ZCWPW2: variants seen among roughly 807,000 people sequenced by gnomAD.
ZCWPW2 encodes the protein zinc finger CW-type and PWWP domain containing 2.
ZCWPW2 carries 45 observed loss-of-function variants against 46.6 expected under a neutral mutation model. The ratio of observed to expected loss-of-function variants is 0.96; its 90% CI spans 0.76 to 1.24. The LOEUF (loss-of-function observed/expected upper bound fraction) is 1.24, where lower values mean the gene tolerates loss of function less well. ZCWPW2 is among the 50% of genes most tolerant of loss of function. The probability of loss-of-function intolerance (pLI) is 0.00; values close to 1 mark genes in which losing one functional copy is unlikely to be tolerated. For missense variants in ZCWPW2, 429 were observed against 403.9 expected (o/e 1.06, Z -0.53); for synonymous variants, 152 against 137.1 (o/e 1.11, Z -0.76).
chr3:28,520,628 C>T (rs1700697433), intron 8 of ZCWPW2, among the ~76,000 whole-genome samples: 1 of 152,024 alleles, frequency 6.6e-6, no homozygotes, highest in Non-Finnish European at 1.5e-5. Flanking sequence ...GAAATATTGG[C>T]TCTCTGGCCC....
At chr3:28,467,588 TG>T (rs1388148184) in intron 4 of ZCWPW2, among the ~76,000 whole-genome samples, 8 of 152,310 alleles carry the variant, frequency 5.3e-5, no homozygotes, top group African/African-American at 1.9e-4. Flanking sequence ...TTCCCAGTGG[TG>T]GTGGCCACAA....
chr3:28,404,699 A>C (rs571520661), intron 2 of ZCWPW2, among the ~76,000 whole-genome samples: 1 of 152,372 alleles, frequency 6.6e-6, no homozygotes, highest in South Asian at 2.1e-4. Context: ...CTACTTAGCC[A>C]TTAAAAAGAA....
intron 4 of ZCWPW2, among the ~76,000 whole-genome samples, chr3:28,436,566 T>C (rs1342870577): frequency 6.6e-6 from 1 of 152,136 alleles, no homozygotes; most frequent in East Asian, 1.9e-4. Flanking sequence ...GGGTACTTTT[T>C]AATGGGTTTT....
At chr3:28,358,941 T>C (rs1479709958) in intron 1 of ZCWPW2, among the ~76,000 whole-genome samples, 1 of 152,104 alleles carries the variant, frequency 6.6e-6, no homozygotes, top group Non-Finnish European at 1.5e-5. Flanking sequence ...TGAGATAATG[T>C]GTACAAATAG....
At chr3:28,423,442 C>T (rs1319811665) in intron 3 of ZCWPW2, among the ~76,000 whole-genome samples, 3 of 148,832 alleles carry the variant, frequency 2.0e-5, no homozygotes, top group Non-Finnish European at 4.4e-5. Context: ...TCTAGGCTCA[C>T]TGCAAGCTCT....
At position 28,447,893 on chromosome 3, in the gene ZCWPW2, G is replaced by A. The variant is rs1377040106; in HGVS notation, c.492+12624G>A. 24 of 872,850 alleles carry A rather than the reference G, an allele frequency of 2.7e-5. 2 individuals carry two copies. Among genetic ancestry groups the A allele is most frequent in the Admixed American group, 1.0e-4 (6 of 57,198 alleles). The allele number at this position is 872,850 out of a possible 1,614,324, so 54.1% of individuals were successfully genotyped here. A position where few individuals can be genotyped will look rare whatever the true frequency, so the allele number is the denominator to read the frequency against. ...TGCCCAGGCAGACTTAGAGGGGTTC[G>A]TGCTGTGAGGCCTAAAGTTCTTATG... On this transcript the variant is annotated intron_variant, in intron 4 of 9. Coordinates refer to ENST00000383768, the MANE Select transcript of ZCWPW2 (RefSeq NM_001040432.4).
chr3:28,444,234 G>A (rs184983875), intron 4 of ZCWPW2, among the ~76,000 whole-genome samples: 2 of 152,158 alleles, frequency 1.3e-5, no homozygotes, highest in Admixed American at 1.3e-4. Flanking sequence ...AGTGTAGCAC[G>A]CCTCCTCATG....
chr3:28,483,218 G>T (rs1250661355), intron 5 of ZCWPW2, among the ~76,000 whole-genome samples: 1 of 152,116 alleles, frequency 6.6e-6, no homozygotes. Context: ...ATGTCCAGTT[G>T]TTCCTGCACC....
chr3:28,431,064 A>G (rs1177565079), intron 3 of ZCWPW2, among the ~76,000 whole-genome samples: 1 of 152,206 alleles, frequency 6.6e-6, no homozygotes, highest in Non-Finnish European at 1.5e-5. Flanking sequence ...ATAATTTAAC[A>G]GATTAATAAC....
chr3:28,397,117 A>G (rs1230437062), intron 2 of ZCWPW2, among the ~76,000 whole-genome samples: 1 of 148,992 alleles, frequency 6.7e-6, no homozygotes, highest in African/African-American at 2.5e-5. Flanking sequence ...TGACAAAACC[A>G]TACTCTGTCT....
At chr3:28,520,282 G>A (rs1700689241) in intron 8 of ZCWPW2, among the ~76,000 whole-genome samples, 1 of 152,048 alleles carries the variant, frequency 6.6e-6, no homozygotes, top group Admixed American at 6.6e-5. Context: ...GATTACAGGC[G>A]TAAGCATGTC....
intron 6 of ZCWPW2, among the ~76,000 whole-genome samples, chr3:28,500,817 AT>A: frequency 6.6e-6 from 1 of 152,314 alleles, no homozygotes; most frequent in East Asian, 1.9e-4. Context: ...TAAATATATT[AT>A]AGCAGATTCC....
intron 2 of ZCWPW2, among the ~76,000 whole-genome samples, chr3:28,406,161 A>G (rs1696150521): frequency 6.6e-6 from 1 of 152,198 alleles, no homozygotes; most frequent in South Asian, 2.1e-4. Context: ...AAGTGATTTA[A>G]AGATGGAGTT....
At chr3:28,520,332 T>C (rs1700690795) in intron 8 of ZCWPW2, among the ~76,000 whole-genome samples, 1 of 152,140 alleles carries the variant, frequency 6.6e-6, no homozygotes, top group African/African-American at 2.4e-5. Context: ...CAGTATTTTT[T>C]TAAAATAAAA....
intron 4 of ZCWPW2, among the ~76,000 whole-genome samples, chr3:28,464,894 T>G (rs1343901159): frequency 6.6e-6 from 1 of 152,232 alleles, no homozygotes; most frequent in Non-Finnish European, 1.5e-5. Context: ...AGCCATGGCT[T>G]AAGAAACATC....
In ZCWPW2 at chr3:28,526,296, T is replaced by C. The variant is rs1364620014; in HGVS notation, c.*1608T>C. ...GTTTTCTTTCTGTTATATCATTTAA[T>C]CTACTACTCATCAATATCAGAGTTC... is the stretch of plus-strand genomic sequence containing the variant. On this transcript the variant is annotated 3_prime_UTR_variant, in exon 10 of 10. Coordinates refer to ENST00000383768, the MANE Select transcript of ZCWPW2 (RefSeq NM_001040432.4). Among the ~76,000 whole-genome samples, 3 of 152,210 alleles carry C rather than the reference T, an allele frequency of 2.0e-5. No individual in the cohort carries two copies. Among genetic ancestry groups the C allele is most frequent in the Admixed American group, 1.3e-4 (2 of 15,268 alleles).
chr3:28,469,526 G>T (rs1007312402), intron 4 of ZCWPW2, among the ~76,000 whole-genome samples: 3 of 151,824 alleles, frequency 2.0e-5, no homozygotes, highest in South Asian at 2.1e-4. Context: ...GATGGAAAAA[G>T]ATATTCCATG....
intron 6 of ZCWPW2, among the ~76,000 whole-genome samples, chr3:28,492,649 G>A (rs868633138): frequency 8.5e-5 from 13 of 152,102 alleles, no homozygotes; most frequent in South Asian, 6.2e-4. Flanking sequence ...CATTTTTAAA[G>A]AATTATTACA....
intron 1 of ZCWPW2, among the ~76,000 whole-genome samples, chr3:28,390,280 T>C (rs1173196393): frequency 6.6e-6 from 1 of 152,206 alleles, no homozygotes; most frequent in Non-Finnish European, 1.5e-5. Context: ...CATAATGTAG[T>C]TATCAAAATC....
Sources: allele counts gnomAD v4.1 joint callset (sites outside exome capture counted in the v4.1 genomes callset), GRCh38; gene constraint gnomAD v4.1.1; transcripts MANE v1.5; gene names NCBI Gene and HGNC (gene_info 2026-07-23, HGNC 2026-07-21).